Variants in CEP55 observed in about 807,000 individuals in gnomAD.
CEP55 encodes centrosomal protein 55, also known as centrosomal protein of 55 kDa.
A neutral mutation model predicts 63.2 loss-of-function variants in CEP55; 57 were observed. The observed-to-expected ratio is 0.90, with a 90% CI of 0.73 to 1.13. The LOEUF is 1.13. CEP55 is among the 50% of genes most tolerant of loss of function. The pLI is 0.00. For synonymous variants in CEP55, 178 were observed against 191.6 expected, an observed-to-expected ratio of 0.93 and a Z score of 0.59; for missense variants, 456 against 518.9, an observed-to-expected ratio of 0.88 and a Z score of 1.18.
intron 5 of CEP55, 101 bp from the exon 6 acceptor site, chr10:93,516,834 C>T: frequency 1.2e-6 from 1 of 841,140 alleles, no homozygotes; most frequent in African/African-American, 1.7e-5. Flanking sequence ...ATGTTGTAAA[C>T]TAAGGAAATA....
Position 93,528,140 on chromosome 10 carries a change from A to C in CEP55, c.1382A>C (p.Tyr461Ser). The change falls in exon 9 of 9, where the codon TAC (tyrosine) becomes TCC (serine). Residue 461 changes from tyrosine (Y) to serine (S), a missense_variant. Physicochemically the swap from Tyr to Ser is moderately radical, Grantham distance 144. Coordinates refer to ENST00000371485, the MANE Select transcript of CEP55 (RefSeq NM_018131.5). The stretch of plus-strand genomic sequence containing the variant: ...CGCGATCTGCTTGTCCATGTGGAAT[A>C]CTGTTCAAAGTAGCAAAATAAGTAT... ...EHRDLLVHVE[Y>S]CSK The C allele has an allele frequency of 6.2e-7, 1 of 1,613,720 alleles. No homozygotes were observed. Among genetic ancestry groups the C allele is most frequent in the Non-Finnish European group, 8.5e-7 (1 of 1,179,662 alleles).
intron 6 of CEP55, among the ~76,000 whole-genome samples, chr10:93,518,563 A>G (rs948320256): frequency 9.2e-5 from 14 of 152,360 alleles, no homozygotes; most frequent in Admixed American, 9.1e-4. Flanking sequence ...CTAAGGGCCC[A>G]GCACTGCCAC....
In CEP55 at chr10:93,503,216, G is replaced by A; in HGVS notation, c.287G>A (p.Ser96Asn). ...AGAGACCAACTGAAGGCCAGATATAGTACTACCACATTGCTTGAACAGCTG... is the reference window on the plus strand; with the variant it reads ...AGAGACCAACTGAAGGCCAGATATAATACTACCACATTGCTTGAACAGCTG... ...RLRDQLKARY[S>N]TTTLLEQLEE... Residue 96 changes from serine (S) to asparagine (N), a missense_variant, in exon 3 of 9, where the codon AGT (serine) becomes AAT (asparagine). By Grantham distance (46) the Ser-to-Asn change is conservative. Transcript: ENST00000371485. 1 of 1,613,980 alleles carries A rather than the reference G, an allele frequency of 6.2e-7. No homozygotes were observed. The highest frequency in any genetic ancestry group is 8.5e-7 in the Non-Finnish European group (1 of 1,179,916).
At position 93,517,168 on chromosome 10, in the gene CEP55, C is replaced by A. The variant is rs954478890; in HGVS notation, c.913C>A (p.Gln305Lys). 6.2e-7 allele frequency: 1 copy of A among 1,613,390 alleles called. No individual in the cohort carries two copies. The highest frequency in any genetic ancestry group is 1.3e-5 in the African/African-American group (1 of 74,876). ...EDDRHKTEKI[Q>K]KLREENDIAR... ...TGATAGGCATAAAACAGAGAAGATA[C>A]AAAAACTCAGGGAAGAGAATGATAT... Residue 305 changes from glutamine to lysine, a missense_variant, in exon 6 of 9, where the codon CAA becomes AAA. By Grantham distance (53) the Gln-to-Lys change is moderately conservative. Coordinates refer to ENST00000371485, the MANE Select transcript of CEP55 (RefSeq NM_018131.5).
intron 4 of CEP55, among the ~76,000 whole-genome samples, chr10:93,509,546 C>T (rs1413379886): frequency 6.6e-6 from 1 of 152,030 alleles, no homozygotes; most frequent in South Asian, 2.1e-4. Context: ...AGTGCAGTGG[C>T]GCGATCTTGG....
rs532089127 is a variant in CEP55 at position 93,514,882 on chromosome 10, C to T, written c.529-523C>T. Among the ~76,000 whole-genome samples, 26 of 152,332 alleles carry T rather than the reference C, an allele frequency of 1.7e-4. No individual in the cohort carries two copies. The East Asian group carries it at 3.5e-3, about 20-fold the overall frequency. On this transcript the variant is annotated intron_variant, in intron 4 of 8. Transcript: ENST00000371485. ...CCACCTCCCGGGTTCAAGTGATTCTCCTGCCTCAGCCTCCTGAGTAGTTAG... is the reference window on the plus strand; with the variant it reads ...CCACCTCCCGGGTTCAAGTGATTCTTCTGCCTCAGCCTCCTGAGTAGTTAG...
chr10:93,497,486 G>A (rs998050798), intron 1 of CEP55, among the ~76,000 whole-genome samples: 3 of 151,786 alleles, frequency 2.0e-5, no homozygotes, highest in Admixed American at 2.0e-4. Context: ...GGCTGGTCTC[G>A]AACTCCTGAC....
intron 1 of CEP55, among the ~76,000 whole-genome samples, chr10:93,498,729 G>A (rs2057600502): frequency 6.6e-6 from 1 of 151,490 alleles, no homozygotes; most frequent in Admixed American, 6.6e-5. Flanking sequence ...TACAGTTTGA[G>A]GATTCATGAA....
chr10:93,504,181 A>G (rs1241962293), intron 3 of CEP55, among the ~76,000 whole-genome samples: 1 of 152,134 alleles, frequency 6.6e-6, no homozygotes, highest in Non-Finnish European at 1.5e-5. Context: ...TAACATTAAT[A>G]TCATCTATAG....
intron 8 of CEP55, among the ~76,000 whole-genome samples, chr10:93,524,875 G>T (rs1341765716): frequency 1.3e-5 from 2 of 152,080 alleles, no homozygotes; most frequent in African/African-American, 4.8e-5. Flanking sequence ...AAAGGCCTTT[G>T]ACAAAATTCA....
chr10:93,501,324 A>AATATTAAAAATGTAATATTAT (rs1161899732), intron 2 of CEP55, among the ~76,000 whole-genome samples: 6 of 152,240 alleles, frequency 3.9e-5, no homozygotes, highest in African/African-American at 1.4e-4. Context: ...TTAAAAATGT[A>AATATTAAAAATGTAATATTAT]ATCATAAATA....
chr10:93,526,177 C>T (rs2057919560), intron 8 of CEP55, among the ~76,000 whole-genome samples: 1 of 151,860 alleles, frequency 6.6e-6, no homozygotes, highest in Non-Finnish European at 1.5e-5. Context: ...AAAATTTTTG[C>T]AATCTACTCA....
Position 93,516,935 on chromosome 10 carries a change from G to A in CEP55, c.680G>A (p.Gly227Asp), listed in dbSNP as rs59085212. The A allele has an allele frequency of 7.0e-3, 11,065 of 1,571,396 alleles. 691 individuals carry two copies. In the African/African-American group the frequency reaches 0.13, roughly 19 times the overall value. The stretch of plus-strand genomic sequence containing the variant: ...TGTGCCGTAATGTTGTTTGTCATAG[G>A]TTATCTTCAAGAAGAGAAGCAGAAA... ...PQQTKKPESE[G>D]YLQEEKQKCY... is the part of the protein sequence containing the mutation. The change falls in exon 6 of 9, where the codon GGT becomes GAT. Residue 227 changes from glycine to aspartate, a missense_variant and splice_region_variant. Transcript: ENST00000371485.
Position 93,511,515 on chromosome 10 carries a change from C to T in CEP55, c.529-3890C>T, listed in dbSNP as rs74932390. On this transcript the variant is annotated intron_variant, in intron 4 of 8. Coordinates refer to ENST00000371485, the MANE Select transcript of CEP55 (RefSeq NM_018131.5). ...TTGAGGGAACATCGCCATCATGTGG[C>T]CTTTTAGAATACTACCCCTTGAATC... Among the ~76,000 whole-genome samples the T allele has an allele frequency of 2.8e-3, 433 of 152,228 alleles. 4 individuals carry two copies. The highest frequency in any genetic ancestry group is 9.8e-3 in the African/African-American group (409 of 41,554).
At chr10:93,516,785 C>A in intron 5 of CEP55, 150 bp from the exon 6 acceptor site, 1 of 546,776 alleles carries the variant, frequency 1.8e-6, no homozygotes. Context: ...TTTTTTATTT[C>A]ATCAAATATC....
Position 93,519,048 on chromosome 10 carries a change from G to A in CEP55, c.1065+100G>A, listed in dbSNP as rs147932370. On this transcript the variant is annotated intron_variant, in intron 7 of 8. Transcript: ENST00000371485. ...CTATGGAGAACTGTTTGAAAGTTGT[G>A]AAAAGTGTCTTTAAAAGACTTCAAT... The A allele has an allele frequency of 7.9e-4, 679 of 854,150 alleles. 7 individuals are homozygous for A. In the East Asian group the frequency reaches 0.016, roughly 20 times the overall value. The allele number at this position is 854,150 out of a possible 1,614,324, so 52.9% of individuals were successfully genotyped here.
At chr10:93,499,971 A>T in intron 1 of CEP55, 69 bp from the exon 2 acceptor site, 1 of 1,036,588 alleles carries the variant, frequency 9.6e-7, no homozygotes, top group Non-Finnish European at 1.4e-6. Flanking sequence ...ATAGGTTATT[A>T]GACCTGTTTC....
chr10:93,497,473 G>A (rs12771644), intron 1 of CEP55, among the ~76,000 whole-genome samples: 1 of 151,634 alleles, frequency 6.6e-6, no homozygotes, highest in African/African-American at 2.4e-5. Flanking sequence ...GCCATGTTGG[G>A]CAGGCTGGTC....
In CEP55 at chr10:93,528,231, A is replaced by G. The variant is rs544562270; in HGVS notation, c.*78A>G. On this transcript the variant is annotated 3_prime_UTR_variant, in exon 9 of 9. Coordinates refer to ENST00000371485, the MANE Select transcript of CEP55 (RefSeq NM_018131.5). ...AGCTTGTGGGCATTTTGAATTATAT[A>G]TTTCACATTTTGCATAAAACTGCCT... 1.0e-4 allele frequency: 135 copies of G among 1,303,142 alleles called. No homozygotes were observed. Among genetic ancestry groups the G allele is most frequent in the Non-Finnish European group, 1.4e-4 (129 of 919,242 alleles). The allele number at this position is 1,303,142 out of a possible 1,614,324, so 80.7% of individuals were successfully genotyped here.
Sources: gnomAD v4.1 joint callset for allele counts (sites outside exome capture counted in the v4.1 genomes callset) on GRCh38, gnomAD v4.1.1 for gene constraint, MANE v1.5 for transcripts, NCBI Gene and HGNC (gene_info 2026-07-23, HGNC 2026-07-21) for gene names.